Variants in KCNG3 observed in about 807,000 individuals in gnomAD.
The protein encoded by KCNG3 is voltage-gated potassium channel regulatory subunit KCNG3.
In KCNG3, 15 loss-of-function variants were observed where a neutral mutation model predicts 29.0. The observed-to-expected ratio is 0.52, with a 90% CI of 0.35 to 0.80. The LOEUF (loss-of-function observed/expected upper bound fraction) is 0.80. Ranked by LOEUF, KCNG3 falls within the 30% of genes least tolerant of loss-of-function variation. The probability of loss-of-function intolerance (pLI) is 0.01; values close to 1 mark genes in which losing one functional copy is unlikely to be tolerated. For synonymous variants in KCNG3, 322 were observed against 248.9 expected (o/e 1.29, Z -2.76); for missense variants, 512 against 605.7 (o/e 0.85, Z 1.62).
intron 1 of KCNG3, among the ~76,000 whole-genome samples, chr2:42,490,303 C>T (rs1673839990): frequency 2.0e-5 from 3 of 152,118 alleles, no homozygotes; most frequent in Non-Finnish European, 1.5e-5. Context: ...TGGCCAGGCG[C>T]GGTGGCTCAC....
the KCNG3 span, among the ~76,000 whole-genome samples, chr2:42,405,070 TCTC>T: frequency 6.6e-6 from 1 of 152,234 alleles, no homozygotes; most frequent in Non-Finnish European, 1.5e-5. Context: ...AAAATCTGAT[TCTC>T]ATCTAGAAAC....
the KCNG3 span, among the ~76,000 whole-genome samples, chr2:42,414,557 T>TC: frequency 6.6e-6 from 1 of 152,052 alleles, no homozygotes; most frequent in African/African-American, 2.4e-5. Context: ...TCTTTTCTTT[T>TC]TTTTTTTTTA....
intron 1 of KCNG3, among the ~76,000 whole-genome samples, chr2:42,448,291 G>C (rs1162542204): frequency 6.6e-6 from 1 of 152,026 alleles, no homozygotes; most frequent in Non-Finnish European, 1.5e-5. Flanking sequence ...AAATTTCTTA[G>C]TAACAGAGTT....
At chr2:42,436,990 G>C in the KCNG3 span, among the ~76,000 whole-genome samples, 1 of 152,104 alleles carries the variant, frequency 6.6e-6, no homozygotes, top group South Asian at 2.1e-4. Context: ...TGACCCACAG[G>C]TTAGATTCCC....
At chr2:42,458,229 C>A (rs1008376382) in intron 1 of KCNG3, among the ~76,000 whole-genome samples, 1 of 152,166 alleles carries the variant, frequency 6.6e-6, no homozygotes, top group Admixed American at 6.5e-5. Context: ...GAACTGGGCT[C>A]CTCCCACAGT....
At chr2:42,416,246 T>C in the KCNG3 span, among the ~76,000 whole-genome samples, 1 of 152,082 alleles carries the variant, frequency 6.6e-6, no homozygotes, top group Non-Finnish European at 1.5e-5. Flanking sequence ...AAGCTACAGA[T>C]AGGAGAAATA....
chr2:42,440,946 GTATTTTAATTTAGGA>G (rs1672460077), downstream of KCNG3, among the ~76,000 whole-genome samples: 1 of 152,098 alleles, frequency 6.6e-6, no homozygotes, highest in South Asian at 2.1e-4. Context: ...TCCTCTTTGG[GTATTTTAATTTAGGA>G]TAATGTCTGA....
intron 1 of KCNG3, among the ~76,000 whole-genome samples, chr2:42,479,568 C>T (rs934120894): frequency 6.6e-6 from 1 of 151,080 alleles, no homozygotes; most frequent in Non-Finnish European, 1.5e-5. Context: ...GTCGCTTGAG[C>T]TCAGTAGGTC....
At chr2:42,414,904 T>C in the KCNG3 span, among the ~76,000 whole-genome samples, 6 of 152,236 alleles carry the variant, frequency 3.9e-5, no homozygotes, top group African/African-American at 7.2e-5. Flanking sequence ...CCTCCTGATC[T>C]TACTTCACTG....
chr2:42,491,263 T>C (rs1489922486), intron 1 of KCNG3, among the ~76,000 whole-genome samples: 2 of 152,214 alleles, frequency 1.3e-5, no homozygotes, highest in Admixed American at 6.6e-5. Flanking sequence ...TTTACATTAA[T>C]GATCTCCATA....
chr2:42,424,449 A>C, the KCNG3 span, among the ~76,000 whole-genome samples: 2 of 152,000 alleles, frequency 1.3e-5, no homozygotes, highest in South Asian at 2.1e-4. Context: ...AAAAAAAAAA[A>C]AAACCCAAAA....
At chr2:42,492,105 C>G (rs1410471554) in intron 1 of KCNG3, among the ~76,000 whole-genome samples, 1 of 152,126 alleles carries the variant, frequency 6.6e-6, no homozygotes, top group African/African-American at 2.4e-5. Context: ...AAAATTTACC[C>G]AAATACTGTT....
At chr2:42,491,569 A>G (rs1673877512) in intron 1 of KCNG3, among the ~76,000 whole-genome samples, 1 of 152,200 alleles carries the variant, frequency 6.6e-6, no homozygotes, top group Non-Finnish European at 1.5e-5. Context: ...AGAACCAAAT[A>G]AGTAACTCTT....
At chr2:42,420,373 G>C in the KCNG3 span, among the ~76,000 whole-genome samples, 3 of 152,216 alleles carry the variant, frequency 2.0e-5, no homozygotes. Flanking sequence ...ATCTGTAAGA[G>C]GGGGTTAATA....
At chr2:42,422,473 G>C in the KCNG3 span, among the ~76,000 whole-genome samples, 1 of 152,044 alleles carries the variant, frequency 6.6e-6, no homozygotes, top group Non-Finnish European at 1.5e-5. Flanking sequence ...GTGGTATTCT[G>C]TTATAGCAAG....
chr2:42,464,505 G>A (rs1272499529), intron 1 of KCNG3, among the ~76,000 whole-genome samples: 10 of 152,050 alleles, frequency 6.6e-5, no homozygotes, highest in Non-Finnish European at 1.5e-4. Flanking sequence ...AGCAATACTC[G>A]AATACTCTGA....
At chr2:42,470,039 T>C (rs1673248029) in intron 1 of KCNG3, 2 of 503,996 alleles carry the variant, frequency 4.0e-6, no homozygotes, top group Non-Finnish European at 7.3e-6. Flanking sequence ...AATTCTTAAG[T>C]CCAAAGGACT....
At chr2:42,432,116 A>T in the KCNG3 span, among the ~76,000 whole-genome samples, 2 of 151,786 alleles carry the variant, frequency 1.3e-5, no homozygotes, top group Non-Finnish European at 2.9e-5. Context: ...AGGTACAAGG[A>T]TCTCTCAGGG....
intron 1 of KCNG3, among the ~76,000 whole-genome samples, chr2:42,478,237 A>C (rs1572861273): frequency 6.6e-6 from 1 of 152,052 alleles, no homozygotes; most frequent in Non-Finnish European, 1.5e-5. Flanking sequence ...ATTATATATT[A>C]AACTAGAATT....
Sources: gnomAD v4.1 joint callset for allele counts (sites outside exome capture counted in the v4.1 genomes callset) on GRCh38, gnomAD v4.1.1 for gene constraint, MANE v1.5 for transcripts, NCBI Gene and HGNC (gene_info 2026-07-23, HGNC 2026-07-21) for gene names.